Variants in PLEKHB2 observed in about 807,000 individuals in gnomAD.
The protein encoded by PLEKHB2 is pleckstrin homology domain containing B2.
PLEKHB2 carries 31 observed loss-of-function variants against 36.5 expected under a neutral mutation model. That is an observed-to-expected ratio of 0.85 (90% CI 0.64 to 1.15). The LOEUF (loss-of-function observed/expected upper bound fraction) is 1.15. Ranked by LOEUF, PLEKHB2 falls within the 50% of genes most tolerant of loss-of-function variation. PLEKHB2 has a pLI of 0.00. For synonymous variants in PLEKHB2, 119 were observed against 112.0 expected, an observed-to-expected ratio of 1.06 and a Z score of -0.39; for missense variants, 262 against 295.3, an observed-to-expected ratio of 0.89 and a Z score of 0.83.
intron 7 of PLEKHB2, among the ~76,000 whole-genome samples, chr2:131,141,701 G>T (rs979115179): frequency 1.3e-4 from 20 of 151,266 alleles, no homozygotes; most frequent in African/African-American, 3.9e-4. Context: ...TGTCTTGTGA[G>T]CCTAGCACAA....
At chr2:131,115,341 C>CTT (rs1179533654) in intron 1 of PLEKHB2, among the ~76,000 whole-genome samples, 1,178 of 64,562 alleles carry the variant, frequency 0.018, 191 homozygotes, top group African/African-American at 0.021. Flanking sequence ...GAAAGTATGT[C>CTT]TTTTTTTTTT....
At position 131,135,078 on chromosome 2, in the gene PLEKHB2, C is replaced by CT. The variant is rs113737822; in HGVS notation, c.423+2097dup. 2.0e-4 allele frequency among the ~76,000 whole-genome samples: 30 copies of CT among 148,616 alleles called. 1 individual carries two copies. The highest frequency in any genetic ancestry group is 3.7e-4 in the African/African-American group (15 of 40,682). On this transcript the variant is annotated intron_variant, in intron 6 of 7. Transcript: ENST00000693505. The stretch of plus-strand genomic sequence containing the variant: ...TGATCTTGCAGCTTGTAAACTTTCT[C>CT]TTTTTTTTTTGAGACAGAGTGTCTC...
chr2:131,119,477 T>C (rs1350785207), intron 1 of PLEKHB2, among the ~76,000 whole-genome samples: 1 of 152,174 alleles, frequency 6.6e-6, no homozygotes, highest in Non-Finnish European at 1.5e-5. Context: ...AGGTACCCGC[T>C]CAGCAGTCCT....
chr2:131,118,470 AT>A (rs1218868099), intron 1 of PLEKHB2, among the ~76,000 whole-genome samples: 1 of 152,054 alleles, frequency 6.6e-6, no homozygotes, highest in African/African-American at 2.4e-5. Flanking sequence ...ATGCTTAGAT[AT>A]GGGGAAGGAG....
chr2:131,107,183 A>G (rs1450826432), intron 1 of PLEKHB2, among the ~76,000 whole-genome samples: 1 of 152,230 alleles, frequency 6.6e-6, no homozygotes, highest in African/African-American at 2.4e-5. Context: ...AACAGTAACT[A>G]CCAAAAACTG....
chr2:131,106,095 C>T (rs1394452422), intron 1 of PLEKHB2, among the ~76,000 whole-genome samples: 2 of 152,110 alleles, frequency 1.3e-5, no homozygotes, highest in East Asian at 1.9e-4. Flanking sequence ...TTCTGTTACT[C>T]AACTAGATTG....
At position 131,120,892 on chromosome 2, in the gene PLEKHB2, T is replaced by C. The variant is rs371651575; in HGVS notation, c.-8-42T>C. 1.1e-5 allele frequency: 17 copies of C among 1,600,294 alleles called. 2 individuals are homozygous for C. In the African/African-American group the frequency reaches 1.9e-4, roughly 18 times the overall value. The stretch of plus-strand genomic sequence containing the variant: ...GACTCGGGCCGGACAGGCTATTCTC[T>C]TTCTGGGTATGATTTTGAACCTGCC... On this transcript the variant is annotated intron_variant, in intron 1 of 7. Transcript: ENST00000693505.
chr2:131,134,894 A>T (rs1455354834), intron 6 of PLEKHB2, among the ~76,000 whole-genome samples: 1 of 152,142 alleles, frequency 6.6e-6, no homozygotes, highest in Non-Finnish European at 1.5e-5. Flanking sequence ...GATTTTTTTC[A>T]TCAGCATTTT....
intron 1 of PLEKHB2, 62 bp from the exon 2 acceptor site, chr2:131,120,872 G>C (rs767773624): frequency 2.0e-6 from 3 of 1,526,182 alleles, no homozygotes; most frequent in Admixed American, 1.7e-5. Context: ...ATAGAGACTC[G>C]GGCCGGACAG....
rs1167914445 is a variant in PLEKHB2 at position 131,124,789 on chromosome 2, TC to T, written c.38-963del. Among the ~76,000 whole-genome samples, 81 of 151,940 alleles carry T rather than the reference TC, an allele frequency of 5.3e-4. 1 individual carries two copies. The East Asian group carries it at 0.014, about 26-fold the overall frequency. ...GGACAAAGAAAAAAAACGTGTTTTT[TC>T]TTTTTTTTTTTTGGAGACGGAGTGT... On this transcript the variant is annotated intron_variant, in intron 2 of 7. Transcript: ENST00000693505.
At chr2:131,135,781 T>A (rs928775601) in intron 6 of PLEKHB2, among the ~76,000 whole-genome samples, 20 of 152,082 alleles carry the variant, frequency 1.3e-4, no homozygotes, top group African/African-American at 4.3e-4. Flanking sequence ...TTTTATTTTT[T>A]TTATTTTTAG....
chr2:131,130,707 T>C lies in PLEKHB2; in HGVS notation c.294-14T>C. ...GGATTGCCTTAAATAAAGTACCCTTTTTCTTTTCTCCAGGGCCTGGAAATT... is the reference window on the plus strand; with the variant it reads ...GGATTGCCTTAAATAAAGTACCCTTCTTCTTTTCTCCAGGGCCTGGAAATT... On this transcript the variant is annotated splice_polypyrimidine_tract_variant and intron_variant, in intron 4 of 7. Coordinates refer to ENST00000693505, the MANE Select transcript of PLEKHB2 (RefSeq NM_001100623.2). The C allele has an allele frequency of 6.3e-7, 1 of 1,599,238 alleles. No individual in the cohort carries two copies. Among genetic ancestry groups the C allele is most frequent in the Non-Finnish European group, 8.6e-7 (1 of 1,166,732 alleles).
intron 1 of PLEKHB2, among the ~76,000 whole-genome samples, chr2:131,119,948 G>A (rs968712584): frequency 1.3e-5 from 2 of 150,850 alleles, no homozygotes; most frequent in Admixed American, 6.6e-5. Flanking sequence ...CTGCCATATG[G>A]TTATGAATAT....
At chr2:131,126,856 T>C in intron 4 of PLEKHB2, 70 bp downstream of exon 4, 6 of 915,254 alleles carry the variant, frequency 6.6e-6, no homozygotes, top group Non-Finnish European at 1.1e-5. Context: ...TACCAAAAAA[T>C]GAAAAGAAAG....
At chr2:131,130,928 G>C (rs1697610244) in intron 5 of PLEKHB2, among the ~76,000 whole-genome samples, 168 bp downstream of exon 5, 1 of 152,028 alleles carries the variant, frequency 6.6e-6, no homozygotes, top group Admixed American at 6.6e-5. Flanking sequence ...TGGGACTATA[G>C]GCCCATGCTA....
intron 5 of PLEKHB2, among the ~76,000 whole-genome samples, chr2:131,131,456 A>G (rs184804836): frequency 1.3e-5 from 2 of 152,320 alleles, no homozygotes; most frequent in Admixed American, 6.5e-5. Context: ...TTAGGAGGTC[A>G]CTGAGACAGT....
At chr2:131,133,040 T>C (rs769689638) in intron 6 of PLEKHB2, 49 bp downstream of exon 6, 2 of 1,174,868 alleles carry the variant, frequency 1.7e-6, no homozygotes, top group Non-Finnish European at 2.6e-6. Context: ...GGGTCTCTGC[T>C]GCTGTCCTGC....
At chr2:131,129,423 CAT>C (rs1559082376) in intron 4 of PLEKHB2, among the ~76,000 whole-genome samples, 1 of 136,938 alleles carries the variant, frequency 7.3e-6, no homozygotes, top group African/African-American at 2.7e-5. Flanking sequence ...GAGAATAAAA[CAT>C]AAAAGGAATT....
At chr2:131,122,805 C>T (rs180839321) in intron 2 of PLEKHB2, among the ~76,000 whole-genome samples, 1 of 152,296 alleles carries the variant, frequency 6.6e-6, no homozygotes, top group East Asian at 1.9e-4. Flanking sequence ...ACAAAGGTGT[C>T]GTAATGTTAG....
Sources: gnomAD v4.1 joint callset for allele counts (sites outside exome capture counted in the v4.1 genomes callset) on GRCh38, gnomAD v4.1.1 for gene constraint, MANE v1.5 for transcripts, NCBI Gene and HGNC (gene_info 2026-07-23, HGNC 2026-07-21) for gene names.